Variants in ZNF487 observed in about 807,000 individuals in gnomAD.
The protein encoded by ZNF487 is KRAB domain only 1.
Under a neutral mutation model 3.0 loss-of-function variants are expected in ZNF487, and 4 were observed. The observed-to-expected ratio is 1.35, with a 90% CI of 0.66 to 3.08. The LOEUF (loss-of-function observed/expected upper bound fraction) is 3.08, where lower values mean the gene tolerates loss of function less well. Among genes scored for constraint, ZNF487 ranks in the 30% most tolerant of loss-of-function variants. The pLI, the probability that ZNF487 is intolerant of heterozygous loss-of-function variation, is 0.01. For synonymous variants in ZNF487, 55 were observed against 34.6 expected (o/e 1.59, Z -2.06); for missense variants, 146 against 98.7 (o/e 1.48, Z -2.03).
intron 1 of ZNF487, among the ~76,000 whole-genome samples, chr10:43,466,819 ATGT>A (rs1042213913): frequency 4.6e-5 from 7 of 152,196 alleles, no homozygotes; most frequent in Admixed American, 2.0e-4. Context: ...TATGAAATTA[ATGT>A]TGTTTTCATG....
chr10:43,482,931 G>C lies in ZNF487; in HGVS notation c.*1009G>C, dbSNP rs763686598. ...GAAACCCTATGCATGTAGTGAATGT[G>C]GGAAAACCTTCTACCAGAAGTCATC... On this transcript the variant is annotated 3_prime_UTR_variant, in exon 4 of 4. Transcript: ENST00000437590. The C allele has an allele frequency of 3.8e-6, 2 of 531,080 alleles. No homozygotes were observed. Among genetic ancestry groups the C allele is most frequent in the South Asian group, 2.8e-5 (2 of 71,450 alleles). 32.9% of individuals were successfully genotyped at this position (531,080 alleles called of 1,614,324 possible).
At chr10:43,453,338 G>T (rs916072157) in intron 1 of ZNF487, 32 of 152,180 alleles carry the variant, frequency 2.1e-4, no homozygotes, top group African/African-American at 7.2e-4. Context: ...ATTCATAATT[G>T]TAAGTCCTTT....
chr10:43,470,942 C>G (rs1249049488), intron 1 of ZNF487, among the ~76,000 whole-genome samples: 1 of 152,128 alleles, frequency 6.6e-6, no homozygotes, highest in Non-Finnish European at 1.5e-5. Flanking sequence ...ATCCTCCCAC[C>G]TCAGCCTCTT....
At chr10:43,458,250 GTTTCGTACAT>G in intron 1 of ZNF487, 1 of 152,310 alleles carries the variant, frequency 6.6e-6, no homozygotes, top group African/African-American at 2.4e-5. Context: ...GCACACTTTG[GTTTCGTACAT>G]TTTAGGGAGA....
chr10:43,508,052 G>A, the ZNF487 span, among the ~76,000 whole-genome samples: 1 of 152,230 alleles, frequency 6.6e-6, no homozygotes, highest in South Asian at 2.1e-4. Context: ...TTTGCTGCCC[G>A]AGCCTCCATT....
At chr10:43,513,826 GC>G in the ZNF487 span, among the ~76,000 whole-genome samples, 36 of 152,138 alleles carry the variant, frequency 2.4e-4, no homozygotes, top group Non-Finnish European at 4.3e-4. Flanking sequence ...ATCTCTATAA[GC>G]CCCTACTTTA....
chr10:43,486,421 G>T (rs1841472469), downstream of ZNF487, among the ~76,000 whole-genome samples: 1 of 152,108 alleles, frequency 6.6e-6, no homozygotes, highest in Non-Finnish European at 1.5e-5. Flanking sequence ...AGCTACTCGG[G>T]AGGCTGAGGC....
chr10:43,495,375 C>G, the ZNF487 span, among the ~76,000 whole-genome samples: 1 of 152,046 alleles, frequency 6.6e-6, no homozygotes, highest in Non-Finnish European at 1.5e-5. Flanking sequence ...TCCTGAGTAG[C>G]TGGGATTACA....
intron 1 of ZNF487, among the ~76,000 whole-genome samples, chr10:43,458,358 C>T (rs1799667600): frequency 6.6e-6 from 1 of 152,206 alleles, no homozygotes; most frequent in African/African-American, 2.4e-5. Context: ...ACTTGAAGGG[C>T]AGGTGGCTTC....
At chr10:43,480,007 CT>C (rs1841274990) in intron 3 of ZNF487, among the ~76,000 whole-genome samples, 1 of 72,482 alleles carries the variant, frequency 1.4e-5, no homozygotes, top group African/African-American at 3.3e-5. Context: ...TTCTTTCTTT[CT>C]TTCTTTCTTT....
chr10:43,461,519 C>T (rs997335873), intron 1 of ZNF487, among the ~76,000 whole-genome samples: 3 of 151,592 alleles, frequency 2.0e-5, no homozygotes, highest in Non-Finnish European at 2.9e-5. Flanking sequence ...TGGTGTTTTG[C>T]TATGTTGCCC....
intron 1 of ZNF487, among the ~76,000 whole-genome samples, chr10:43,447,985 A>ATTTTTTTTTTTT (rs71016768): frequency 1.0e-5 from 1 of 100,150 alleles, no homozygotes; most frequent in Non-Finnish European, 1.8e-5. Flanking sequence ...CTTGGAAACC[A>ATTTTTTTTTTTT]TTTTTTTTTT....
intron 1 of ZNF487, among the ~76,000 whole-genome samples, chr10:43,475,112 C>T (rs1028913059): frequency 1.2e-4 from 18 of 152,096 alleles, no homozygotes; most frequent in African/African-American, 4.1e-4. Flanking sequence ...CCCTTATCTG[C>T]AGAAAAGCAT....
intron 3 of ZNF487, among the ~76,000 whole-genome samples, chr10:43,480,372 C>CACTT: frequency 6.6e-6 from 1 of 151,528 alleles, no homozygotes; most frequent in African/African-American, 2.4e-5. Context: ...TCCCAAAGTG[C>CACTT]TGGGATTACA....
Position 43,482,599 on chromosome 10 carries a change from A to C in ZNF487, c.*677A>C. ...CCCTATGGATGTAATGAATGTCAGAAAGCCTTTGGTGATAGGTCAGCTCTA... is the reference window on the plus strand; with the variant it reads ...CCCTATGGATGTAATGAATGTCAGACAGCCTTTGGTGATAGGTCAGCTCTA... On this transcript the variant is annotated 3_prime_UTR_variant, in exon 4 of 4. Transcript: ENST00000437590. 2.0e-6 allele frequency: 1 copy of C among 505,118 alleles called. No homozygotes were observed. The highest frequency in any genetic ancestry group is 1.9e-5 in the African/African-American group (1 of 51,428). The allele number at this position is 505,118 out of a possible 1,614,324, so 31.3% of individuals were successfully genotyped here.
chr10:43,499,746 G>A, the ZNF487 span, among the ~76,000 whole-genome samples: 1 of 149,834 alleles, frequency 6.7e-6, no homozygotes, highest in African/African-American at 2.5e-5. Flanking sequence ...GTGAGACCCT[G>A]TCTCAAAAAA....
the ZNF487 span, among the ~76,000 whole-genome samples, chr10:43,496,807 G>C: frequency 2.0e-5 from 3 of 152,226 alleles, no homozygotes; most frequent in East Asian, 3.9e-4. Flanking sequence ...AGTGGAGAGA[G>C]AGAGCTAGAG....
chr10:43,471,685 C>T (rs1295894854), intron 1 of ZNF487, among the ~76,000 whole-genome samples: 1 of 152,186 alleles, frequency 6.6e-6, no homozygotes, highest in African/African-American at 2.4e-5. Flanking sequence ...CAGGTTGCCC[C>T]TTCCCTGAAG....
chr10:43,494,298 A>G, the ZNF487 span, among the ~76,000 whole-genome samples: 2 of 152,298 alleles, frequency 1.3e-5, no homozygotes, highest in South Asian at 2.1e-4. Context: ...ATTTTTACAT[A>G]TATGTGTCCC....
Sources: gnomAD v4.1 joint callset for allele counts (sites outside exome capture counted in the v4.1 genomes callset) on GRCh38, gnomAD v4.1.1 for gene constraint, MANE v1.5 for transcripts, NCBI Gene and HGNC (gene_info 2026-07-23, HGNC 2026-07-21) for gene names.